SLC25A16: variants seen among roughly 807,000 people sequenced by gnomAD.
The protein encoded by SLC25A16 is mitochondrial coenzyme A transporter SLC25A16.
SLC25A16 carries 39 observed loss-of-function variants against 41.5 expected under a neutral mutation model. The ratio of observed to expected loss-of-function variants is 0.94; its 90% CI spans 0.73 to 1.23. The LOEUF is 1.23. SLC25A16 is among the 50% of genes most tolerant of loss of function. SLC25A16 has a pLI of 0.00. For missense variants in SLC25A16, 421 were observed against 426.9 expected, an observed-to-expected ratio of 0.99 and a Z score of 0.12; for synonymous variants, 146 against 147.8, an observed-to-expected ratio of 0.99 and a Z score of 0.09.
Position 68,484,144 on chromosome 10 carries a change from GA to G in SLC25A16, c.843-557del, listed in dbSNP as rs138565891. Among the ~76,000 whole-genome samples the G allele has an allele frequency of 1.9e-3, 287 of 152,228 alleles. 2 individuals are homozygous for G. The highest frequency in any genetic ancestry group is 6.7e-3 in the African/African-American group (277 of 41,542). ...CATATTTTGTTTGTACTATGTCTAT[GA>G]CATTTACTGGACAACAACTATTTCA... On this transcript the variant is annotated intron_variant, in intron 8 of 8. Transcript: ENST00000609923.
chr10:68,488,048 T>C (rs371897214), intron 7 of SLC25A16, among the ~76,000 whole-genome samples: 2 of 152,112 alleles, frequency 1.3e-5, no homozygotes, highest in South Asian at 4.1e-4. Flanking sequence ...AGACGGGTTT[T>C]CACCATGTTG....
At chr10:68,511,903 C>G (rs748432017) in intron 2 of SLC25A16, among the ~76,000 whole-genome samples, 1 of 151,788 alleles carries the variant, frequency 6.6e-6, no homozygotes, top group South Asian at 2.1e-4. Flanking sequence ...ATCGCCCAGG[C>G]TGGAGTACAG....
intron 4 of SLC25A16, among the ~76,000 whole-genome samples, chr10:68,499,053 C>T (rs2052796993): frequency 6.6e-6 from 1 of 152,082 alleles, no homozygotes; most frequent in Non-Finnish European, 1.5e-5. Context: ...ACTATTTTTA[C>T]AGCAATTCTT....
intron 7 of SLC25A16, among the ~76,000 whole-genome samples, chr10:68,487,994 A>C (rs1439604385): frequency 1.6e-4 from 24 of 152,128 alleles, no homozygotes; most frequent in Admixed American, 1.6e-3. Flanking sequence ...CTGGGATTAC[A>C]GGTGGCTGCC....
rs1303959105 is a variant in SLC25A16, at chr10:68,527,521, TAC to T, written c.-148_-147del. 3 of 725,602 alleles carry T rather than the reference TAC, an allele frequency of 4.1e-6. No individual in the cohort carries two copies. Among genetic ancestry groups the T allele is most frequent in the African/African-American group, 3.8e-5 (2 of 52,332 alleles). 44.9% of individuals were successfully genotyped at this position (725,602 alleles called of 1,614,324 possible). A position where few individuals can be genotyped will look rare whatever the true frequency, so the allele number is the denominator to read the frequency against. On this transcript the variant is annotated 5_prime_UTR_variant, in exon 1 of 9. Coordinates refer to ENST00000609923, the MANE Select transcript of SLC25A16 (RefSeq NM_152707.4). Reference sequence around the variant, plus strand: ...GGCGGCGCGGCGCCGGCTGATGGCGTACAGCAAGGGCGGGGCCTGTGTCACGC... The same window carrying T: ...GGCGGCGCGGCGCCGGCTGATGGCGTAGCAAGGGCGGGGCCTGTGTCACGC...
intron 5 of SLC25A16, 74 bp from the exon 6 acceptor site, chr10:68,493,272 C>T: frequency 8.2e-7 from 1 of 1,224,266 alleles, no homozygotes; most frequent in Non-Finnish European, 1.2e-6. Flanking sequence ...AAAAATCACA[C>T]TTTATAACAG....
intron 2 of SLC25A16, among the ~76,000 whole-genome samples, chr10:68,515,194 T>C (rs1402288934): frequency 6.7e-6 from 1 of 150,358 alleles, no homozygotes; most frequent in Non-Finnish European, 1.5e-5. Flanking sequence ...CCGTCTCTAC[T>C]AAAAATACAA....
intron 2 of SLC25A16, among the ~76,000 whole-genome samples, chr10:68,508,269 T>C (rs574230531): frequency 7.2e-4 from 110 of 151,986 alleles, no homozygotes; most frequent in Non-Finnish European, 1.2e-3. Context: ...CAATGCAATC[T>C]GGAGTTTATG....
intron 2 of SLC25A16, among the ~76,000 whole-genome samples, chr10:68,515,615 A>G (rs919013699): frequency 4.0e-5 from 6 of 151,738 alleles, no homozygotes; most frequent in African/African-American, 1.5e-4. Context: ...CCTGACCAAC[A>G]TGGAGAAACC....
chr10:68,490,352 T>A (rs1410717436), intron 6 of SLC25A16, among the ~76,000 whole-genome samples: 1 of 152,056 alleles, frequency 6.6e-6, no homozygotes, highest in African/African-American at 2.4e-5. Flanking sequence ...GACTTTTTTT[T>A]TTTTTTTGAA....
chr10:68,527,219 G>A, intron 1 of SLC25A16, 27 bp downstream of exon 1: 1 of 1,543,690 alleles, frequency 6.5e-7, no homozygotes. Flanking sequence ...CTCAGAGCGC[G>A]GCTGGCTCTT....
At chr10:68,487,888 C>CT (rs1218446430) in intron 7 of SLC25A16, among the ~76,000 whole-genome samples, 3 of 151,946 alleles carry the variant, frequency 2.0e-5, no homozygotes, top group African/African-American at 4.8e-5. Context: ...GAGTCTCACT[C>CT]TGTCGCCCAG....
intron 4 of SLC25A16, chr10:68,499,908 C>T: frequency 1.7e-6 from 1 of 581,716 alleles, no homozygotes; most frequent in Non-Finnish European, 3.3e-6. Context: ...CCAAATCTCG[C>T]CAAGTAGGAA....
At chr10:68,510,249 G>T (rs773143400) in intron 2 of SLC25A16, among the ~76,000 whole-genome samples, 3 of 151,824 alleles carry the variant, frequency 2.0e-5, no homozygotes, top group Non-Finnish European at 2.9e-5. Flanking sequence ...AAATTTTTAG[G>T]GGTCGGGCAC....
intron 8 of SLC25A16, among the ~76,000 whole-genome samples, 179 bp from the exon 9 acceptor site, chr10:68,483,767 A>G (rs1294254881): frequency 6.6e-6 from 1 of 152,072 alleles, no homozygotes; most frequent in Non-Finnish European, 1.5e-5. Flanking sequence ...GGTTCAAGTG[A>G]TTCTCCTGCT....
At chr10:68,504,550 C>T (rs2052918504) in intron 3 of SLC25A16, among the ~76,000 whole-genome samples, 1 of 151,866 alleles carries the variant, frequency 6.6e-6, no homozygotes, top group South Asian at 2.1e-4. Context: ...ATTCTCCTGC[C>T]TCAGCCTCCT....
chr10:68,512,666 A>G lies in SLC25A16; in HGVS notation c.223+4085T>C, dbSNP rs2053086525. On this transcript the variant is annotated intron_variant, in intron 2 of 8. Coordinates refer to ENST00000609923, the MANE Select transcript of SLC25A16 (RefSeq NM_152707.4). ...AAAAAAAAAAAAAAAAAAAAAAAAG[A>G]TAAATGATAATTCACTCCTGGATAT... 1.3e-5 allele frequency among the ~76,000 whole-genome samples: 2 copies of G among 149,292 alleles called. 1 individual carries two copies. Among genetic ancestry groups the G allele is most frequent in the Non-Finnish European group, 3.0e-5 (2 of 67,248 alleles).
chr10:68,497,605 CTTTTTTTTTTTTTTAA>C (rs1564915616), intron 4 of SLC25A16, among the ~76,000 whole-genome samples: 1 of 138,478 alleles, frequency 7.2e-6, no homozygotes, highest in Non-Finnish European at 1.5e-5. Flanking sequence ...CTTCTAACAT[CTTTTTTTTTTTTTTAA>C]TTTTTTTTTT....
intron 4 of SLC25A16, among the ~76,000 whole-genome samples, chr10:68,498,532 A>C (rs1434445747): frequency 6.7e-6 from 1 of 150,062 alleles, no homozygotes; most frequent in African/African-American, 2.5e-5. Context: ...CTGTCTCTAC[A>C]AAAAAAAATT....
Sources: allele counts gnomAD v4.1 joint callset (sites outside exome capture counted in the v4.1 genomes callset), GRCh38; gene constraint gnomAD v4.1.1; transcripts MANE v1.5; gene names NCBI Gene and HGNC (gene_info 2026-07-23, HGNC 2026-07-21).